The following C8B variants were observed in gnomAD, a reference collection of about 807,000 sequenced individuals.
The protein encoded by C8B is complement C8 beta chain.
A neutral mutation model predicts 64.6 loss-of-function variants in C8B; 67 were observed. The ratio of observed to expected loss-of-function variants is 1.04; its 90% CI spans 0.85 to 1.27. The LOEUF (loss-of-function observed/expected upper bound fraction) is 1.27. C8B is among the 50% of genes most tolerant of loss of function. The pLI is 0.00. For synonymous variants in C8B, 284 were observed against 257.7 expected (o/e 1.10, Z -0.98); for missense variants, 790 against 725.2 (o/e 1.09, Z -1.03).
At chr1:56,939,893 G>A (rs1416663937) in intron 9 of C8B, among the ~76,000 whole-genome samples, 3 of 152,136 alleles carry the variant, frequency 2.0e-5, no homozygotes, top group African/African-American at 7.2e-5. Flanking sequence ...GACCAGTGTG[G>A]GGATTACATA....
chr1:56,959,625 G>A (rs1469242220), intron 2 of C8B: 1 of 1,535,290 alleles, frequency 6.5e-7, no homozygotes, highest in Non-Finnish European at 8.7e-7. Flanking sequence ...TCGGTCACAG[G>A]GATCCTCGAA....
At chr1:56,950,038 CA>C (rs1173607014) in intron 5 of C8B, among the ~76,000 whole-genome samples, 5 of 152,082 alleles carry the variant, frequency 3.3e-5, no homozygotes, top group Admixed American at 3.3e-4. Flanking sequence ...TCAGCTTAAG[CA>C]AAAGCATGGA....
At position 56,959,425 on chromosome 1, in the gene C8B, G is replaced by A; in HGVS notation, c.249+595C>T. ...GCTTTATCCAACTGGAGGTAGGGCT[G>A]AGGAGGAGTCAAAAAGCTTTCTCAA... is the stretch of plus-strand genomic sequence containing the variant. On this transcript the variant is annotated intron_variant, in intron 2 of 11. Transcript: ENST00000371237. The A allele has an allele frequency of 4.2e-6, 3 of 714,076 alleles. No individual in the cohort carries two copies. In the East Asian group the frequency reaches 8.1e-5, roughly 19 times the overall value. 44.2% of individuals were successfully genotyped at this position (714,076 alleles called of 1,614,324 possible). A position where few individuals can be genotyped will look rare whatever the true frequency, so the allele number is the denominator to read the frequency against.
chr1:56,938,166 G>GT (rs1197672840), intron 9 of C8B, among the ~76,000 whole-genome samples: 4 of 152,128 alleles, frequency 2.6e-5, no homozygotes, highest in Non-Finnish European at 5.9e-5. Flanking sequence ...AGAGGTCTCT[G>GT]TTTTAAGCTT....
chr1:56,960,078 T>A lies in C8B; in HGVS notation c.191A>T (p.Asp64Val). ...RSVDVTLMPI[D>V]CELSSWSSWT... Reference sequence around the variant, plus strand: ...AGAGGACCAACTAGACAGCTCACAATCAATGGGCATCAGGGTAACATCCAC... The same window carrying A: ...AGAGGACCAACTAGACAGCTCACAAACAATGGGCATCAGGGTAACATCCAC... Residue 64 changes from aspartate to valine, a missense_variant, in exon 2 of 12, where the codon GAT (aspartate) becomes GTT (valine). By Grantham distance (152) the Asp-to-Val change is radical. Coordinates refer to ENST00000371237, the MANE Select transcript of C8B (RefSeq NM_000066.4). 6.2e-7 allele frequency: 1 copy of A among 1,614,096 alleles called. No individual in the cohort carries two copies. The highest frequency in any genetic ancestry group is 8.5e-7 in the Non-Finnish European group (1 of 1,179,996).
intron 4 of C8B, among the ~76,000 whole-genome samples, chr1:56,952,576 T>G (rs766823869): frequency 1.3e-5 from 2 of 152,196 alleles, no homozygotes; most frequent in Non-Finnish European, 2.9e-5. Context: ...TTAGGGACCC[T>G]CATAACACCC....
At chr1:56,963,671 C>G (rs1179282310) in intron 1 of C8B, 3 of 165,368 alleles carry the variant, frequency 1.8e-5, no homozygotes, top group Non-Finnish European at 3.7e-5. Flanking sequence ...CTGAATGAAA[C>G]TGGATTTGAA....
At position 56,954,815 on chromosome 1, in the gene C8B, T is replaced by G. The variant is rs1645078976; in HGVS notation, c.404A>C (p.Asn135Thr). 6.2e-7 allele frequency: 1 copy of G among 1,614,108 alleles called. No homozygotes were observed. Among genetic ancestry groups the G allele is most frequent in the Non-Finnish European group, 8.5e-7 (1 of 1,179,982 alleles). The change falls in exon 4 of 12, where the codon AAC becomes ACC. Residue 135 changes from asparagine to threonine, a missense_variant. Asn to Thr is a moderately conservative substitution (Grantham distance 65). Coordinates refer to ENST00000371237, the MANE Select transcript of C8B (RefSeq NM_000066.4). Reference protein sequence around the residue: ...FVCAQTGRCVNRRLLCNGDND... With the variant: ...FVCAQTGRCVTRRLLCNGDND... ...GTCCCCATTGCAAAGAAGTCTGCGG[T>G]TTACACACCTTCCTAGAATGGAGAA...
intron 7 of C8B, among the ~76,000 whole-genome samples, chr1:56,944,812 T>C (rs1644917580): frequency 6.6e-6 from 1 of 152,218 alleles, no homozygotes; most frequent in Non-Finnish European, 1.5e-5. Context: ...CCACGTGTCC[T>C]CTTGCAAGTA....
At chr1:56,954,403 C>G (rs142321498) in intron 4 of C8B, among the ~76,000 whole-genome samples, 2 of 152,198 alleles carry the variant, frequency 1.3e-5, no homozygotes, top group Non-Finnish European at 1.5e-5. Flanking sequence ...CCCTCCCTAC[C>G]CCAGCCCTTG....
intron 3 of C8B, 128 bp from the exon 4 acceptor site, chr1:56,954,955 T>C (rs1412661477): frequency 1.9e-6 from 2 of 1,051,174 alleles, no homozygotes; most frequent in African/African-American, 3.1e-5. Context: ...TAATTAGTCA[T>C]CCTGTATCCA....
intron 10 of C8B, 23 bp downstream of exon 10, chr1:56,933,312 C>T: frequency 1.9e-6 from 3 of 1,607,566 alleles, no homozygotes; most frequent in Non-Finnish European, 1.7e-6. Flanking sequence ...CCACCAGGGA[C>T]ACCAGCTGCC....
At chr1:56,941,509 CATAGATAGATAGATAGATAG>C (rs200918831) in intron 8 of C8B, among the ~76,000 whole-genome samples, 5,666 of 86,740 alleles carry the variant, frequency 0.065, 397 homozygotes, top group African/African-American at 0.2. Context: ...TAGATAGATA[CATAGATAGATAGATAGATAG>C]ATAGATAGAT....
intron 1 of C8B, among the ~76,000 whole-genome samples, chr1:56,961,678 C>T (rs966997116): frequency 2.0e-5 from 3 of 152,138 alleles, no homozygotes; most frequent in Non-Finnish European, 4.4e-5. Flanking sequence ...TTTTCACCAT[C>T]TCATATACAC....
chr1:56,954,178 G>A (rs61767005), intron 4 of C8B, among the ~76,000 whole-genome samples: 41 of 152,168 alleles, frequency 2.7e-4, no homozygotes, highest in Non-Finnish European at 1.5e-4. Flanking sequence ...CTCTGTCCTC[G>A]CTAGAGGACA....
chr1:56,932,651 A>G (rs371606212), intron 10 of C8B, among the ~76,000 whole-genome samples: 6 of 152,098 alleles, frequency 3.9e-5, no homozygotes, highest in African/African-American at 1.4e-4. Flanking sequence ...GCTCATGTCT[A>G]TCCTCTCCAA....
chr1:56,943,780 T>G lies in C8B; in HGVS notation c.1150A>C (p.Lys384Gln), dbSNP rs1343120494. ...ACCTCTTCAATGGCACCACCAATTTTAAAATCATTTTTGGCACAGGCATGG... is the reference window on the plus strand; with the variant it reads ...ACCTCTTCAATGGCACCACCAATTTGAAAATCATTTTTGGCACAGGCATGG... The part of the protein sequence containing the change: ...NVHACAKNDF[K>Q]IGGAIEEVYV... The change falls in exon 8 of 12, where the codon AAA becomes CAA. Residue 384 changes from lysine (K) to glutamine (Q), a missense_variant. By Grantham distance (53) the Lys-to-Gln change is moderately conservative. Transcript: ENST00000371237. 2 of 1,613,992 alleles carry G rather than the reference T, an allele frequency of 1.2e-6. No homozygotes were observed. Among genetic ancestry groups the G allele is most frequent in the Non-Finnish European group, 1.7e-6 (2 of 1,180,000 alleles).
Position 56,957,217 on chromosome 1 carries a change from C to G in C8B, c.250-307G>C, listed in dbSNP as rs900708564. Among the ~76,000 whole-genome samples the G allele has an allele frequency of 6.6e-5, 10 of 152,164 alleles. No individual in the cohort carries two copies. In the South Asian group the frequency reaches 1.2e-3, roughly 19 times the overall value. On this transcript the variant is annotated intron_variant, in intron 2 of 11. Transcript: ENST00000371237. ...ATTTGCTGAATGTGGGAAAGTCAGC[C>G]CATGCTGACTCCATGGGCTCTGGAG... is the stretch of plus-strand genomic sequence containing the variant.
At chr1:56,944,858 CA>C in intron 7 of C8B, among the ~76,000 whole-genome samples, 1 of 152,298 alleles carries the variant, frequency 6.6e-6, no homozygotes, top group East Asian at 1.9e-4. Flanking sequence ...TCCACCACTG[CA>C]ATCTGTGTGA....
Sources: gnomAD v4.1 joint callset for allele counts (sites outside exome capture counted in the v4.1 genomes callset) on GRCh38, gnomAD v4.1.1 for gene constraint, MANE v1.5 for transcripts, NCBI Gene and HGNC (gene_info 2026-07-23, HGNC 2026-07-21) for gene names.